The following GAD2 variants were observed in gnomAD, a reference collection of about 807,000 sequenced individuals.
GAD2 encodes the protein glutamate decarboxylase 2.
A neutral mutation model predicts 80.1 loss-of-function variants in GAD2; 22 were observed. The ratio of observed to expected loss-of-function variants is 0.27; its 90% CI spans 0.20 to 0.39. The LOEUF (loss-of-function observed/expected upper bound fraction) is 0.39. Among genes scored for constraint, GAD2 ranks in the 10% least tolerant of loss-of-function variants. The probability of loss-of-function intolerance (pLI) is 1.00; values close to 1 mark genes in which losing one functional copy is unlikely to be tolerated. For missense variants in GAD2, 624 were observed against 738.4 expected (o/e 0.85, Z 1.80); for synonymous variants, 274 against 256.9 (o/e 1.07, Z -0.64).
chr10:26,242,424 A>T (rs1164004480), intron 7 of GAD2, among the ~76,000 whole-genome samples: 1 of 152,160 alleles, frequency 6.6e-6, no homozygotes, highest in African/African-American at 2.4e-5. Context: ...ACTTCCATTC[A>T]AAGTGGTGCT....
intron 8 of GAD2, among the ~76,000 whole-genome samples, chr10:26,266,492 T>C (rs940701560): frequency 1.3e-5 from 2 of 152,240 alleles, no homozygotes; most frequent in Non-Finnish European, 2.9e-5. Context: ...TTAATAGCCT[T>C]GGGTTAAACT....
At chr10:26,244,718 T>TG (rs1844783817) in intron 7 of GAD2, among the ~76,000 whole-genome samples, 1 of 151,936 alleles carries the variant, frequency 6.6e-6, no homozygotes, top group Admixed American at 6.6e-5. Flanking sequence ...ATTCAGGGGT[T>TG]GGGGGTGGGG....
intron 11 of GAD2, among the ~76,000 whole-genome samples, chr10:26,276,442 C>T (rs902810484): frequency 1.9e-4 from 26 of 138,698 alleles, no homozygotes; most frequent in African/African-American, 7.5e-4. Context: ...AGTGTGGCAG[C>T]GCAATCTTGC....
intron 5 of GAD2, 118 bp downstream of exon 5, chr10:26,224,095 A>G (rs1844489473): frequency 2.9e-6 from 2 of 682,306 alleles, no homozygotes; most frequent in East Asian, 5.5e-5. Flanking sequence ...TAGTGATACA[A>G]ACTTCTGAAG....
In GAD2 at chr10:26,227,292, G is replaced by A. The variant is rs566243856; in HGVS notation, c.725-2370G>A. ...TTTTACATCCTTTCTTAGAGGATTCGTAGGAAATAAGAGCAGGTAGGGCTC... is the reference window on the plus strand; with the variant it reads ...TTTTACATCCTTTCTTAGAGGATTCATAGGAAATAAGAGCAGGTAGGGCTC... On this transcript the variant is annotated intron_variant, in intron 6 of 15. Coordinates refer to ENST00000376261, the MANE Select transcript of GAD2 (RefSeq NM_001134366.2). Among the ~76,000 whole-genome samples the A allele has an allele frequency of 7.2e-5, 11 of 152,280 alleles. No homozygotes were observed. In the East Asian group the frequency reaches 1.2e-3, roughly 16 times the overall value.
chr10:26,298,941 G>T (rs1834301777), intron 15 of GAD2, among the ~76,000 whole-genome samples: 1 of 152,206 alleles, frequency 6.6e-6, no homozygotes, highest in African/African-American at 2.4e-5. Flanking sequence ...TCCCTGGGAT[G>T]AGTCCAGTGC....
chr10:26,256,775 G>A lies in GAD2; in HGVS notation c.920+10775G>A, dbSNP rs762551890. 1.6e-4 allele frequency among the ~76,000 whole-genome samples: 25 copies of A among 152,202 alleles called. 2 individuals are homozygous for A. The highest frequency in any genetic ancestry group is 2.8e-4 in the Non-Finnish European group (19 of 68,038). On this transcript the variant is annotated intron_variant, in intron 8 of 15. Coordinates refer to ENST00000376261, the MANE Select transcript of GAD2 (RefSeq NM_001134366.2). ...TGATTTTTTGGTGAAGGCAGTGTCTGCCAGGTCACTCCGCTATGAAATGAC... is the reference window on the plus strand; with the variant it reads ...TGATTTTTTGGTGAAGGCAGTGTCTACCAGGTCACTCCGCTATGAAATGAC...
intron 8 of GAD2, among the ~76,000 whole-genome samples, chr10:26,267,874 T>G (rs913924415): frequency 1.3e-5 from 2 of 152,170 alleles, no homozygotes; most frequent in Non-Finnish European, 1.5e-5. Flanking sequence ...TGTAATAAAT[T>G]AACTTATTTC....
intron 8 of GAD2, among the ~76,000 whole-genome samples, chr10:26,253,064 T>G (rs1158889642): frequency 6.6e-6 from 1 of 152,192 alleles, no homozygotes; most frequent in Non-Finnish European, 1.5e-5. Context: ...AATCTTTGTT[T>G]GTTTGGACTA....
chr10:26,301,030 T>A lies in GAD2; in HGVS notation c.*69T>A, dbSNP rs751166058. 1.1e-4 allele frequency: 145 copies of A among 1,298,036 alleles called. No individual in the cohort carries two copies. Among genetic ancestry groups the A allele is most frequent in the Non-Finnish European group, 1.5e-4 (133 of 907,678 alleles). 80.4% of individuals were successfully genotyped at this position (1,298,036 alleles called of 1,614,324 possible). Reference sequence around the variant, plus strand: ...TAAGTTGTCACAAACTGTGTGAATGTATTTGTAGTTTGTTCCAAAGTAAAT... The same window carrying A: ...TAAGTTGTCACAAACTGTGTGAATGAATTTGTAGTTTGTTCCAAAGTAAAT... On this transcript the variant is annotated 3_prime_UTR_variant, in exon 16 of 16. Coordinates refer to ENST00000376261, the MANE Select transcript of GAD2 (RefSeq NM_001134366.2).
At chr10:26,225,906 T>C (rs1844515806) in intron 6 of GAD2, among the ~76,000 whole-genome samples, 3 of 152,192 alleles carry the variant, frequency 2.0e-5, no homozygotes, top group Non-Finnish European at 4.4e-5. Context: ...TGGAAAGCCA[T>C]CCCTGTTGAG....
Position 26,217,808 on chromosome 10 carries a change from AT to A in GAD2, c.137-32del. ...GCGAGGGAGCCGGGCCCGGCGGAGG[AT>A]TGACGAGGCCCGCGTTCGGTGTCCT... On this transcript the variant is annotated intron_variant, in intron 2 of 15. Coordinates refer to ENST00000376261, the MANE Select transcript of GAD2 (RefSeq NM_001134366.2). The surrounding 1 kb of genome is among the most constrained non-coding windows in gnomAD (Gnocchi z 4.9). The A allele has an allele frequency of 6.3e-7, 1 of 1,585,984 alleles. No individual in the cohort carries two copies. The highest frequency in any genetic ancestry group is 8.6e-7 in the Non-Finnish European group (1 of 1,165,638).
intron 7 of GAD2, among the ~76,000 whole-genome samples, chr10:26,235,742 G>T (rs1180634838): frequency 6.6e-6 from 1 of 152,112 alleles, no homozygotes; most frequent in Non-Finnish European, 1.5e-5. Flanking sequence ...TGAGTTTTAG[G>T]TTCTCTCTTT....
At chr10:26,298,487 G>T (rs893611969) in intron 15 of GAD2, among the ~76,000 whole-genome samples, 1 of 152,134 alleles carries the variant, frequency 6.6e-6, no homozygotes, top group African/African-American at 2.4e-5. Flanking sequence ...CTTACTTTAT[G>T]CCCAAATCTG....
intron 15 of GAD2, among the ~76,000 whole-genome samples, chr10:26,294,010 C>A (rs749910338): frequency 6.6e-6 from 1 of 152,228 alleles, no homozygotes; most frequent in Non-Finnish European, 1.5e-5. Flanking sequence ...ATTAATCTTT[C>A]ATCCTCTCCT....
intron 15 of GAD2, among the ~76,000 whole-genome samples, chr10:26,298,400 C>T (rs935771761): frequency 6.6e-6 from 1 of 152,186 alleles, no homozygotes; most frequent in Non-Finnish European, 1.5e-5. Context: ...TTTCTGGAAG[C>T]AACCAAAAGT....
intron 8 of GAD2, among the ~76,000 whole-genome samples, chr10:26,246,413 A>G (rs1367004108): frequency 2.6e-5 from 4 of 152,276 alleles, no homozygotes; most frequent in Non-Finnish European, 5.9e-5. Context: ...GGAAGTAAAT[A>G]AAGCACCAGC....
chr10:26,220,703 A>G (rs753351178), intron 4 of GAD2, among the ~76,000 whole-genome samples: 1 of 152,180 alleles, frequency 6.6e-6, no homozygotes. Context: ...ATATTTAGAT[A>G]CGTTAATAGT....
At chr10:26,291,615 G>T (rs866677793) in intron 13 of GAD2, among the ~76,000 whole-genome samples, 1 of 152,184 alleles carries the variant, frequency 6.6e-6, no homozygotes, top group East Asian at 1.9e-4. Context: ...CTCTGCTGGA[G>T]AAGTTACTGG....
Sources: allele counts gnomAD v4.1 joint callset (sites outside exome capture counted in the v4.1 genomes callset), GRCh38; gene constraint gnomAD v4.1.1; non-coding constraint Gnocchi (gnomAD v3.1); transcripts MANE v1.5; gene names NCBI Gene and HGNC (gene_info 2026-07-23, HGNC 2026-07-21).